Variants in KIF26B observed in about 807,000 individuals in gnomAD.
The protein encoded by KIF26B is kinesin-like protein KIF26B.
A neutral mutation model predicts 151.2 loss-of-function variants in KIF26B; 63 were observed. The ratio of observed to expected loss-of-function variants is 0.42; its 90% CI spans 0.34 to 0.51. KIF26B has a LOEUF of 0.51. Among genes scored for constraint, KIF26B ranks in the 20% least tolerant of loss-of-function variants. The probability of loss-of-function intolerance (pLI) is 0.07; values close to 1 mark genes in which losing one functional copy is unlikely to be tolerated. For synonymous variants in KIF26B, 1,357 were observed against 1,262.1 expected (o/e 1.08, Z -1.59); for missense variants, 2,813 against 2,913.6 (o/e 0.97, Z 0.79).
intron 3 of KIF26B, among the ~76,000 whole-genome samples, chr1:245,377,842 C>T (rs984413031): frequency 6.6e-6 from 1 of 152,142 alleles, no homozygotes; most frequent in South Asian, 2.1e-4. Flanking sequence ...AAGATGAAAA[C>T]GGGCCAAGTC....
intron 4 of KIF26B, among the ~76,000 whole-genome samples, chr1:245,513,835 A>G (rs1487954560): frequency 1.3e-5 from 2 of 152,212 alleles, no homozygotes; most frequent in Non-Finnish European, 2.9e-5. Context: ...TGTCTGAGCT[A>G]ATTGGCCTTA....
At chr1:245,461,401 C>T (rs1300473465) in intron 4 of KIF26B, among the ~76,000 whole-genome samples, 1 of 151,972 alleles carries the variant, frequency 6.6e-6, no homozygotes, top group African/African-American at 2.4e-5. Context: ...CCCACCTCAG[C>T]CTCCCAGGTA....
At chr1:245,327,709 G>C (rs548384188) in intron 2 of KIF26B, among the ~76,000 whole-genome samples, 2 of 152,284 alleles carry the variant, frequency 1.3e-5, no homozygotes, top group East Asian at 3.9e-4. Flanking sequence ...CATTGAGAAG[G>C]AAAGAGTCTA....
In KIF26B at chr1:245,155,254, A is replaced by C. The variant is rs1392125597; in HGVS notation, c.-171A>C. ...CCAACCCTTTCTGCAAATTGGTGCT[A>C]TTACTTGTGGGATCCATTTGCTTTC... On this transcript the variant is annotated 5_prime_UTR_variant, in exon 1 of 15. Transcript: ENST00000407071. 15 of 647,852 alleles carry C rather than the reference A, an allele frequency of 2.3e-5. No homozygotes were observed. Among genetic ancestry groups the C allele is most frequent in the South Asian group, 9.2e-5 (5 of 54,320 alleles). The allele number at this position is 647,852 out of a possible 1,614,324, so 40.1% of individuals were successfully genotyped here.
At position 245,687,943 on chromosome 1, in the gene KIF26B, C is replaced by A; in HGVS notation, c.4960C>A (p.Leu1654Ile). 1.3e-6 allele frequency: 2 copies of A among 1,593,368 alleles called. No homozygotes were observed. Among genetic ancestry groups the A allele is most frequent in the Admixed American group, 3.5e-5 (2 of 57,472 alleles). The change falls in exon 12 of 15, where the codon CTC (leucine) becomes ATC (isoleucine). Residue 1654 changes from leucine to isoleucine, a missense_variant. Physicochemically the swap from Leu to Ile is conservative, Grantham distance 5. Transcript: ENST00000407071. The surrounding 1 kb of genome is among the most constrained non-coding windows in gnomAD (Gnocchi z 4.9). ...GAAGGACGCCAGCAGCAGCAGCAAG[C>A]TCTTCAGTGCCAAGCTGGAGCAGCT... ...KTKDASSSSK[L>I]FSAKLEQLAS...
chr1:245,163,272 G>A (rs1668562249), intron 2 of KIF26B, among the ~76,000 whole-genome samples: 2 of 152,158 alleles, frequency 1.3e-5, no homozygotes, highest in Non-Finnish European at 2.9e-5. Flanking sequence ...CTCACAAGTA[G>A]CTGGAAATAC....
At chr1:245,427,798 C>T (rs896808938) in intron 4 of KIF26B, among the ~76,000 whole-genome samples, 1 of 152,112 alleles carries the variant, frequency 6.6e-6, no homozygotes, top group Non-Finnish European at 1.5e-5. Flanking sequence ...CCCAGTGTAT[C>T]CCCTCGTTCT....
intron 2 of KIF26B, among the ~76,000 whole-genome samples, chr1:245,321,545 A>C (rs1335081811): frequency 6.6e-6 from 1 of 152,200 alleles, no homozygotes; most frequent in Non-Finnish European, 1.5e-5. Context: ...CTCTCATTTC[A>C]GTTCTAGTGT....
At chr1:245,394,680 TTTTC>T (rs1421616234) in intron 3 of KIF26B, among the ~76,000 whole-genome samples, 5,275 of 140,462 alleles carry the variant, frequency 0.038, 494 homozygotes, top group African/African-American at 0.15. Flanking sequence ...CTTCAAGTTT[TTTTC>T]TTTCTTTTTT....
intron 2 of KIF26B, among the ~76,000 whole-genome samples, chr1:245,231,015 G>A (rs1469929163): frequency 5.9e-5 from 9 of 151,876 alleles, no homozygotes; most frequent in African/African-American, 2.2e-4. Flanking sequence ...GCATGAAGAC[G>A]AGATTACAAG....
chr1:245,491,514 G>A (rs1263883071), intron 4 of KIF26B, among the ~76,000 whole-genome samples: 1 of 152,182 alleles, frequency 6.6e-6, no homozygotes, highest in Non-Finnish European at 1.5e-5. Flanking sequence ...AGTAAACCTT[G>A]GGGAATGTTC....
Position 245,253,256 on chromosome 1 carries a change from G to C in KIF26B, c.465+96573G>C, listed in dbSNP as rs917159752. On this transcript the variant is annotated intron_variant, in intron 2 of 14. Transcript: ENST00000407071. The stretch of plus-strand genomic sequence containing the variant: ...ACTCCTGACCTCAGGTGATCTGCCC[G>C]CCTTGGCCTCCCAAAGTGCTGGGAT... Among the ~76,000 whole-genome samples, 6 of 151,818 alleles carry C rather than the reference G, an allele frequency of 4.0e-5. No individual in the cohort carries two copies. The East Asian group carries it at 1.2e-3, about 29-fold the overall frequency.
At chr1:245,343,860 T>C (rs1440118830) in intron 2 of KIF26B, among the ~76,000 whole-genome samples, 3 of 152,228 alleles carry the variant, frequency 2.0e-5, no homozygotes, top group African/African-American at 7.2e-5. Context: ...ACCTTTGTTC[T>C]GCTGTCACAA....
At chr1:245,449,492 C>T (rs1330764357) in intron 4 of KIF26B, among the ~76,000 whole-genome samples, 10 of 152,110 alleles carry the variant, frequency 6.6e-5, no homozygotes, top group African/African-American at 2.2e-4. Context: ...ATTTTCTTCC[C>T]ACACCTGATT....
At chr1:245,539,764 T>C (rs1321132295) in intron 4 of KIF26B, among the ~76,000 whole-genome samples, 1 of 152,188 alleles carries the variant, frequency 6.6e-6, no homozygotes, top group Non-Finnish European at 1.5e-5. Flanking sequence ...GCGATCCTCC[T>C]GCCTCAGCCT....
At chr1:245,689,463 A>G (rs2044593958) in intron 12 of KIF26B, among the ~76,000 whole-genome samples, 1 of 152,230 alleles carries the variant, frequency 6.6e-6, no homozygotes, top group East Asian at 1.9e-4. Context: ...ATTTGTGGAC[A>G]GTCATGTTTG....
At chr1:245,672,987 G>T (rs1226553240) in intron 10 of KIF26B, among the ~76,000 whole-genome samples, 1 of 152,198 alleles carries the variant, frequency 6.6e-6, no homozygotes, top group Non-Finnish European at 1.5e-5. Context: ...TTCCAGAGCT[G>T]GAAAACATAA....
chr1:245,458,627 T>G (rs575329481), intron 4 of KIF26B, among the ~76,000 whole-genome samples: 1 of 152,274 alleles, frequency 6.6e-6, no homozygotes, highest in South Asian at 2.1e-4. Context: ...CAAATAAAAT[T>G]TTTTAGGAGT....
intron 10 of KIF26B, among the ~76,000 whole-genome samples, chr1:245,673,048 C>T (rs1250196929): frequency 6.6e-6 from 1 of 151,484 alleles, no homozygotes; most frequent in African/African-American, 2.4e-5. Context: ...TAGGCCCAGT[C>T]CCCACTGCAC....
Sources: allele counts gnomAD v4.1 joint callset (sites outside exome capture counted in the v4.1 genomes callset), GRCh38; gene constraint gnomAD v4.1.1; non-coding constraint Gnocchi (gnomAD v3.1); transcripts MANE v1.5; gene names NCBI Gene and HGNC (gene_info 2026-07-23, HGNC 2026-07-21).